The following IQCH variants were observed in gnomAD, a reference collection of about 807,000 sequenced individuals.
IQCH encodes the protein IQ motif containing H, also known as IQ domain-containing protein H.
IQCH carries 98 observed loss-of-function variants against 117.0 expected under a neutral mutation model. The observed-to-expected ratio is 0.84, with a 90% CI of 0.71 to 0.99. IQCH has a LOEUF of 0.99. Among genes scored for constraint, IQCH ranks in the 50% least tolerant of loss-of-function variants. The pLI is 0.00. For missense variants in IQCH, 1,102 were observed against 1,243.8 expected (o/e 0.89, Z 1.72); for synonymous variants, 412 against 448.2 (o/e 0.92, Z 1.02).
In IQCH at chr15:67,467,354, T is replaced by C. The variant is rs1042593886; in HGVS notation, c.2676+2057T>C. 1.3e-5 allele frequency among the ~76,000 whole-genome samples: 2 copies of C among 152,248 alleles called. No homozygotes were observed. The highest frequency in any genetic ancestry group is 2.9e-5 in the Non-Finnish European group (2 of 68,042). On this transcript the variant is annotated intron_variant, in intron 17 of 20. Coordinates refer to ENST00000335894, the MANE Select transcript of IQCH (RefSeq NM_001031715.3). This position sits in a 1 kb window ranked among gnomAD's most constrained non-coding sequence, Gnocchi z 5.7. The stretch of plus-strand genomic sequence containing the variant: ...AAGTTGTGCTTTGAGTGAGAAGCAC[T>C]CTTCCATTTTCCCCATGTTGCCTAT...
rs1054396471 is a variant in IQCH, at chr15:67,393,055, T to C, written c.1633-2236T>C. ...GTTGTACAACCATTACCACTATCAA[T>C]TTCAGAACTTTTTATCATCCCAAGA... On this transcript the variant is annotated intron_variant, in intron 12 of 20. Transcript: ENST00000335894. This position sits in a 1 kb window ranked among gnomAD's most constrained non-coding sequence, Gnocchi z 5.5. Among the ~76,000 whole-genome samples the C allele has an allele frequency of 3.3e-5, 5 of 152,194 alleles. No homozygotes were observed. Among genetic ancestry groups the C allele is most frequent in the Non-Finnish European group, 5.9e-5 (4 of 68,048 alleles).
rs999752675 is a variant in IQCH, at chr15:67,496,846, G to A, written c.2970+2480G>A. Among the ~76,000 whole-genome samples the A allele has an allele frequency of 1.3e-4, 19 of 150,662 alleles. No individual in the cohort carries two copies. The highest frequency in any genetic ancestry group is 3.9e-4 in the East Asian group (2 of 5,136). ...ATCCTGGCTAACAAGGTGAAACCCC[G>A]TCTCTACTAAAAATACAAAAAATTA... On this transcript the variant is annotated intron_variant, in intron 20 of 20. Transcript: ENST00000335894. This position sits in a 1 kb window ranked among gnomAD's most constrained non-coding sequence, Gnocchi z 4.4.
chr15:67,427,740 A>T lies in IQCH; in HGVS notation c.2505+6163A>T, dbSNP rs2081925948. 6.6e-6 allele frequency among the ~76,000 whole-genome samples: 1 copy of T among 152,244 alleles called. No individual in the cohort carries two copies. Among genetic ancestry groups the T allele is most frequent in the South Asian group, 2.1e-4 (1 of 4,838 alleles). ...ACTTTAAAAAAATTATCACCAGGAA[A>T]TAATCACAAAGATTTAAATACACAT... On this transcript the variant is annotated intron_variant, in intron 16 of 20. Transcript: ENST00000335894. The surrounding 1 kb of genome is among the most constrained non-coding windows in gnomAD (Gnocchi z 4.7).
At chr15:67,487,378 G>A (rs1222147091) in intron 18 of IQCH, among the ~76,000 whole-genome samples, 3 of 151,630 alleles carry the variant, frequency 2.0e-5, no homozygotes, top group East Asian at 1.9e-4. Context: ...GCAGGGCTGC[G>A]ATTAGGGTAA....
intron 4 of IQCH, among the ~76,000 whole-genome samples, chr15:67,287,831 G>A (rs1966618066): frequency 6.6e-6 from 1 of 151,868 alleles, no homozygotes; most frequent in Admixed American, 6.6e-5. Context: ...GTATTGTTAG[G>A]TTATTTATTT....
chr15:67,343,204 A>T (rs916962798), intron 5 of IQCH, among the ~76,000 whole-genome samples: 3 of 152,288 alleles, frequency 2.0e-5, no homozygotes, highest in East Asian at 3.9e-4. Flanking sequence ...ACTTGAATAC[A>T]CAGTTTGTAT....
intron 16 of IQCH, chr15:67,460,076 A>T (rs1402658951): frequency 6.6e-6 from 1 of 152,210 alleles, no homozygotes; most frequent in Non-Finnish European, 1.5e-5. Flanking sequence ...GCTTGAGCCC[A>T]GGAAGTCAAG....
Position 67,490,050 on chromosome 15 carries a change from CA to C in IQCH, c.2849del (p.Lys950SerfsTer5). The C allele has an allele frequency of 6.2e-7, 1 of 1,611,304 alleles. No homozygotes were observed. Among genetic ancestry groups the C allele is most frequent in the Non-Finnish European group, 8.5e-7 (1 of 1,177,604 alleles). ...TATTATATGAGCACCTGAAGAGACA[CA>C]AGTTGGGAATGTTGTGAGTATGAAG... ...FILYEHLKRH[K>X]LGMLTIGEDL... On this transcript the variant is annotated frameshift_variant, in exon 19 of 21. Coordinates refer to ENST00000335894, the MANE Select transcript of IQCH (RefSeq NM_001031715.3). LOFTEE classifies it high-confidence loss of function. This position sits in a 1 kb window ranked among gnomAD's most constrained non-coding sequence, Gnocchi z 4.9.
intron 4 of IQCH, among the ~76,000 whole-genome samples, chr15:67,296,957 A>C (rs1966855962): frequency 6.6e-6 from 1 of 152,076 alleles, no homozygotes; most frequent in South Asian, 2.1e-4. Context: ...CTCTCCCCTA[A>C]CCCTTCTCTT....
chr15:67,488,865 T>C (rs978849220), intron 18 of IQCH, among the ~76,000 whole-genome samples: 4 of 152,076 alleles, frequency 2.6e-5, no homozygotes, highest in Non-Finnish European at 5.9e-5. Flanking sequence ...TGCCTGCTGC[T>C]TACCTCCTGC....
At chr15:67,357,563 A>G in intron 7 of IQCH, 142 bp downstream of exon 7, 1 of 661,846 alleles carries the variant, frequency 1.5e-6, no homozygotes, top group Non-Finnish European at 2.7e-6. Flanking sequence ...TATGCATTTG[A>G]CTTTCAAAAG....
rs1387792347 is a variant in IQCH, at chr15:67,494,323, A to G, written c.2927A>G (p.Gln976Arg). ...TFARHLFIIH[Q>R]EISAPNMQGE... is the part of the protein sequence containing the mutation. ...GCTCGCCATCTCTTCATCATCCATC[A>G]AGAAATATCAGCACCTAATATGCAA... The change falls in exon 20 of 21, where the codon CAA becomes CGA. Residue 976 changes from glutamine (Q) to arginine (R), a missense_variant. Transcript: ENST00000335894. This position sits in a 1 kb window ranked among gnomAD's most constrained non-coding sequence, Gnocchi z 5.5. 2 of 1,613,278 alleles carry G rather than the reference A, an allele frequency of 1.2e-6. No homozygotes were observed. Among genetic ancestry groups the G allele is most frequent in the African/African-American group, 2.7e-5 (2 of 74,920 alleles).
chr15:67,367,009 C>A (rs1340714553), intron 8 of IQCH, among the ~76,000 whole-genome samples: 1 of 151,890 alleles, frequency 6.6e-6, no homozygotes, highest in Non-Finnish European at 1.5e-5. Flanking sequence ...AAGCCAATAC[C>A]CCTGCAGGGG....
rs141513739 is a variant in IQCH, at chr15:67,426,128, T to A, written c.2505+4551T>A. 6.6e-6 allele frequency among the ~76,000 whole-genome samples: 1 copy of A among 152,186 alleles called. No homozygotes were observed. The highest frequency in any genetic ancestry group is 1.5e-5 in the Non-Finnish European group (1 of 68,034). Reference sequence around the variant, plus strand: ...GGACCTAGGATCGACTCAGAAGCCCTGTAAGATCTGGGCTCTTAGTGCTGC... The same window carrying A: ...GGACCTAGGATCGACTCAGAAGCCCAGTAAGATCTGGGCTCTTAGTGCTGC... On this transcript the variant is annotated intron_variant, in intron 16 of 20. Coordinates refer to ENST00000335894, the MANE Select transcript of IQCH (RefSeq NM_001031715.3). This position sits in a 1 kb window ranked among gnomAD's most constrained non-coding sequence, Gnocchi z 5.1.
chr15:67,472,506 A>G lies in IQCH; in HGVS notation c.2677-3190A>G, dbSNP rs2083095930. Among the ~76,000 whole-genome samples the G allele has an allele frequency of 6.6e-6, 1 of 152,234 alleles. No individual in the cohort carries two copies. The highest frequency in any genetic ancestry group is 2.4e-5 in the African/African-American group (1 of 41,454). On this transcript the variant is annotated intron_variant, in intron 17 of 20. Transcript: ENST00000335894. This position sits in a 1 kb window ranked among gnomAD's most constrained non-coding sequence, Gnocchi z 4.3. ...CAGGAGATGGGGGAAGAGTAGGGGA[A>G]AAAACAGCCTGGGAAGTTACATTTA...
At position 67,381,093 on chromosome 15, in the gene IQCH, G is replaced by C. The variant is rs1450159367; in HGVS notation, c.1373-3843G>C. Among the ~76,000 whole-genome samples the C allele has an allele frequency of 6.6e-6, 1 of 152,198 alleles. No homozygotes were observed. Among genetic ancestry groups the C allele is most frequent in the Non-Finnish European group, 1.5e-5 (1 of 68,042 alleles). On this transcript the variant is annotated intron_variant, in intron 10 of 20. Coordinates refer to ENST00000335894, the MANE Select transcript of IQCH (RefSeq NM_001031715.3). The surrounding 1 kb of genome is among the most constrained non-coding windows in gnomAD (Gnocchi z 5.1). Reference sequence around the variant, plus strand: ...CAGAGACATGCACCAGTGCCAAGGGGGCTCAGTCACTCAGTGTGGCCTTGC... The same window carrying C: ...CAGAGACATGCACCAGTGCCAAGGGCGCTCAGTCACTCAGTGTGGCCTTGC...
In IQCH at chr15:67,266,838, G is replaced by GA. The variant is rs1015267854; in HGVS notation, c.269+3630dup. The stretch of plus-strand genomic sequence containing the variant: ...ATCATTTTTACTTTCTAATATGGGT[G>GA]AAAAAAAAGCTCATGCTAAGAGTAA... On this transcript the variant is annotated intron_variant, in intron 3 of 20. Transcript: ENST00000335894. Among the ~76,000 whole-genome samples the GA allele has an allele frequency of 2.6e-5, 4 of 151,686 alleles. No individual in the cohort carries two copies. In the East Asian group the frequency reaches 5.8e-4, roughly 22 times the overall value.
intron 3 of IQCH, among the ~76,000 whole-genome samples, chr15:67,269,701 T>G (rs989948061): frequency 0.078 from 7 of 90 alleles, no homozygotes; most frequent in Admixed American, 0.4. Flanking sequence ...GAGATCCACT[T>G]TTTTTTTTTT....
chr15:67,274,198 TTCTG>T (rs1227371436), intron 3 of IQCH, among the ~76,000 whole-genome samples: 1 of 152,202 alleles, frequency 6.6e-6, no homozygotes, highest in Non-Finnish European at 1.5e-5. Context: ...ACCTGGATAT[TTCTG>T]TCTTTCTAAA....
Sources: gnomAD v4.1 joint callset for allele counts (sites outside exome capture counted in the v4.1 genomes callset) on GRCh38, gnomAD v4.1.1 for gene constraint, Gnocchi (gnomAD v3.1) non-coding constraint, MANE v1.5 for transcripts, NCBI Gene and HGNC (gene_info 2026-07-23, HGNC 2026-07-21) for gene names.